Variants in HTR7 observed in about 807,000 individuals in gnomAD.
HTR7 encodes 5-hydroxytryptamine receptor 7.
A neutral mutation model predicts 34.0 loss-of-function variants in HTR7; 16 were observed. The ratio of observed to expected loss-of-function variants is 0.47; its 90% CI spans 0.32 to 0.71. HTR7 has a LOEUF of 0.71. HTR7 is among the 30% of genes least tolerant of loss of function. The pLI, the probability that HTR7 is intolerant of heterozygous loss-of-function variation, is 0.04. For synonymous variants in HTR7, 265 were observed against 260.2 expected, an observed-to-expected ratio of 1.02 and a Z score of -0.18; for missense variants, 504 against 625.5, an observed-to-expected ratio of 0.81 and a Z score of 2.07.
chr10:90,775,971 TC>T (rs1185027579), intron 1 of HTR7, among the ~76,000 whole-genome samples: 1 of 152,262 alleles, frequency 6.6e-6, no homozygotes, highest in African/African-American at 2.4e-5. Context: ...ATATATTTTT[TC>T]ATACAACATA....
intron 1 of HTR7, among the ~76,000 whole-genome samples, chr10:90,828,611 T>TA (rs1281567883): frequency 6.6e-6 from 1 of 152,102 alleles, no homozygotes; most frequent in African/African-American, 2.4e-5. Flanking sequence ...GATAAATTCT[T>TA]AGACACATAC....
chr10:90,741,065 G>A lies in HTR7; in HGVS notation c.*1417C>T, dbSNP rs1844533879. The A allele has an allele frequency of 6.6e-6, 1 of 152,602 alleles. No individual in the cohort carries two copies. The highest frequency in any genetic ancestry group is 2.4e-5 in the African/African-American group (1 of 41,462). 9.5% of individuals were successfully genotyped at this position (152,602 alleles called of 1,614,324 possible). ...GGTAGCTTTTCCCCATGTCTGGTAA[G>A]AAGCAATGTCAATGGGAGTTAGAAG... On this transcript the variant is annotated 3_prime_UTR_variant, in exon 4 of 4. Coordinates refer to ENST00000336152, the MANE Select transcript of HTR7 (RefSeq NM_019859.4).
In HTR7 at chr10:90,756,840, T is replaced by TA. The variant is rs199499507; in HGVS notation, c.540-7247dup. 4.8e-3 allele frequency among the ~76,000 whole-genome samples: 717 copies of TA among 149,212 alleles called. 1 individual carries two copies. The highest frequency in any genetic ancestry group is 0.017 in the South Asian group (79 of 4,718). ...AACACCACCAAGGAAAACCCTGTCA[T>TA]AAAAAAAAAGAAAAGAAAAGAAAAA... On this transcript the variant is annotated intron_variant, in intron 1 of 3. Transcript: ENST00000336152.
chr10:90,823,071 T>C (rs1158336331), intron 1 of HTR7, among the ~76,000 whole-genome samples: 1 of 152,188 alleles, frequency 6.6e-6, no homozygotes, highest in African/African-American at 2.4e-5. Context: ...TCTAGGGCAG[T>C]GTGTATGGGG....
chr10:90,782,068 T>C (rs1041367906), intron 1 of HTR7, among the ~76,000 whole-genome samples: 1 of 152,202 alleles, frequency 6.6e-6, no homozygotes, highest in African/African-American at 2.4e-5. Context: ...CTGTCATGCA[T>C]GGGACATCAC....
intron 3 of HTR7, among the ~76,000 whole-genome samples, chr10:90,743,092 G>T (rs1292727953): frequency 1.4e-5 from 2 of 142,304 alleles, no homozygotes; most frequent in Non-Finnish European, 3.1e-5. Flanking sequence ...ACCTCCACAG[G>T]CCTCAACTTA....
At chr10:90,830,892 C>CCACT (rs1490481606) in intron 1 of HTR7, among the ~76,000 whole-genome samples, 6 of 152,052 alleles carry the variant, frequency 3.9e-5, no homozygotes, top group African/African-American at 1.4e-4. Context: ...TAATGTTGTG[C>CCACT]CACTCACTAG....
At chr10:90,774,005 A>G (rs539886683) in intron 1 of HTR7, among the ~76,000 whole-genome samples, 2 of 152,244 alleles carry the variant, frequency 1.3e-5, no homozygotes, top group South Asian at 4.1e-4. Context: ...GACATTTGTG[A>G]TACATTCCTT....
intron 1 of HTR7, among the ~76,000 whole-genome samples, chr10:90,789,008 C>G (rs1050830392): frequency 6.6e-6 from 1 of 152,120 alleles, no homozygotes; most frequent in Non-Finnish European, 1.5e-5. Context: ...CCCATTATCG[C>G]GATCCCCTAG....
intron 1 of HTR7, among the ~76,000 whole-genome samples, chr10:90,775,985 CTAAATA>C (rs1845201953): frequency 6.6e-6 from 1 of 152,102 alleles, no homozygotes. Flanking sequence ...ACAACATATC[CTAAATA>C]TAATTTCCAC....
intron 1 of HTR7, among the ~76,000 whole-genome samples, chr10:90,753,935 A>G (rs1260600708): frequency 1.3e-5 from 2 of 152,074 alleles, no homozygotes; most frequent in Admixed American, 1.3e-4. Flanking sequence ...ATGTCTGTGT[A>G]TGCTCAGATG....
chr10:90,793,240 G>A (rs1290617850), intron 1 of HTR7, among the ~76,000 whole-genome samples: 3 of 151,874 alleles, frequency 2.0e-5, no homozygotes, highest in Non-Finnish European at 2.9e-5. Context: ...TTAAAAATGG[G>A]CAAAGGGCTT....
At chr10:90,773,014 C>G (rs1845143316) in intron 1 of HTR7, among the ~76,000 whole-genome samples, 1 of 152,198 alleles carries the variant, frequency 6.6e-6, no homozygotes, top group African/African-American at 2.4e-5. Flanking sequence ...TACACACACA[C>G]ATAATCATTT....
At chr10:90,826,708 C>A (rs1054145660) in intron 1 of HTR7, among the ~76,000 whole-genome samples, 2 of 151,746 alleles carry the variant, frequency 1.3e-5, no homozygotes, top group African/African-American at 2.4e-5. Flanking sequence ...GAGGCTGAGG[C>A]GGGCGGATCA....
At chr10:90,759,681 A>G (rs1196071731) in intron 1 of HTR7, among the ~76,000 whole-genome samples, 1 of 151,372 alleles carries the variant, frequency 6.6e-6, no homozygotes, top group South Asian at 2.1e-4. Context: ...AAAAAAAAAA[A>G]AAAACCAGGG....
At chr10:90,850,452 T>G (rs1485451857) in intron 1 of HTR7, among the ~76,000 whole-genome samples, 1 of 152,218 alleles carries the variant, frequency 6.6e-6, no homozygotes, top group Non-Finnish European at 1.5e-5. Flanking sequence ...TAACATCATC[T>G]ACAGCATCTA....
chr10:90,762,775 A>G (rs967320774), intron 1 of HTR7, among the ~76,000 whole-genome samples: 2 of 152,210 alleles, frequency 1.3e-5, no homozygotes, highest in Admixed American at 1.3e-4. Context: ...CAGATACTAC[A>G]TTTAAATCGT....
At chr10:90,777,750 C>T (rs572908006) in intron 1 of HTR7, among the ~76,000 whole-genome samples, 1 of 152,318 alleles carries the variant, frequency 6.6e-6, no homozygotes, top group African/African-American at 2.4e-5. Flanking sequence ...ACCAGATAAC[C>T]AGCAGTTGTG....
intron 3 of HTR7, 149 bp from the exon 4 acceptor site, chr10:90,742,677 A>G: frequency 1.9e-6 from 1 of 537,024 alleles, no homozygotes; most frequent in South Asian, 2.6e-5. Context: ...CCTTCAAGGG[A>G]AAGAAAAAGT....
Sources: gnomAD v4.1 joint callset for allele counts (sites outside exome capture counted in the v4.1 genomes callset) on GRCh38, gnomAD v4.1.1 for gene constraint, MANE v1.5 for transcripts, NCBI Gene and HGNC (gene_info 2026-07-23, HGNC 2026-07-21) for gene names.